TMEM132C: variants seen among roughly 807,000 people sequenced by gnomAD.
The protein encoded by TMEM132C is transmembrane protein 132C, also known as protein phosphatase 1, regulatory subunit 152.
Under a neutral mutation model 61.4 loss-of-function variants are expected in TMEM132C, and 29 were observed. The ratio of observed to expected loss-of-function variants is 0.47; its 90% CI spans 0.35 to 0.64. TMEM132C has a LOEUF of 0.64. Ranked by LOEUF, TMEM132C falls within the 30% of genes least tolerant of loss-of-function variation. The pLI, the probability that TMEM132C is intolerant of heterozygous loss-of-function variation, is 0.00. For missense variants in TMEM132C, 1,408 were observed against 1,476.9 expected (o/e 0.95, Z 0.76); for synonymous variants, 656 against 633.1 (o/e 1.04, Z -0.54).
intron 1 of TMEM132C, among the ~76,000 whole-genome samples, chr12:128,305,171 G>A (rs1342480741): frequency 3.3e-5 from 5 of 151,978 alleles, no homozygotes; most frequent in African/African-American, 1.2e-4. Flanking sequence ...TTGAGGCCAG[G>A]AGTTCGGCCT....
chr12:128,611,127 T>A (rs573141868), intron 3 of TMEM132C, among the ~76,000 whole-genome samples: 26 of 152,324 alleles, frequency 1.7e-4, no homozygotes, highest in African/African-American at 6.3e-4. Context: ...ATCCCCATTT[T>A]GCAAATAGAG....
chr12:128,489,687 C>CAT (rs747502504), intron 2 of TMEM132C, among the ~76,000 whole-genome samples: 9 of 151,550 alleles, frequency 5.9e-5, no homozygotes, highest in East Asian at 3.9e-4. Context: ...CACTCAGACT[C>CAT]ATATATATAT....
intron 5 of TMEM132C, among the ~76,000 whole-genome samples, chr12:128,676,455 T>C (rs1455092919): frequency 1.3e-5 from 2 of 152,188 alleles, no homozygotes; most frequent in Admixed American, 6.5e-5. Flanking sequence ...AAGTAATGTA[T>C]AAAATTTGTC....
At chr12:128,664,956 C>CACACAGGCACTCGCAATAA (rs537680785) in intron 4 of TMEM132C, among the ~76,000 whole-genome samples, 8,531 of 152,130 alleles carry the variant, frequency 0.056, 695 homozygotes, top group African/African-American at 0.18. Flanking sequence ...CAATATCATA[C>CACACAGGCACTCGCAATAA]ACACAGGCAC....
At chr12:128,589,853 C>T (rs767847837) in intron 3 of TMEM132C, among the ~76,000 whole-genome samples, 17 of 152,094 alleles carry the variant, frequency 1.1e-4, no homozygotes, top group Non-Finnish European at 2.2e-4. Flanking sequence ...GGGAATAAAG[C>T]GTACTTACCT....
Position 128,415,023 on chromosome 12 carries a change from G to C in TMEM132C, c.377G>C (p.Ser126Thr). ...SNFLGPTNKF[S>T]FDWKLKAHIL... The stretch of plus-strand genomic sequence containing the variant: ...TTTTTAGGTCCAACCAATAAGTTTA[G>C]TTTTGATTGGAAACTAAAAGCCCAC... The change falls in exon 2 of 9, where the codon AGT (serine) becomes ACT (threonine). Residue 126 changes from serine (S) to threonine (T), a missense_variant. Physicochemically the swap from Ser to Thr is moderately conservative, Grantham distance 58 (BLOSUM62 1). Transcript: ENST00000435159. The surrounding 1 kb of genome is among the most constrained non-coding windows in gnomAD (Gnocchi z 5.8). 7 of 1,561,974 alleles carry C rather than the reference G, an allele frequency of 4.5e-6. No homozygotes were observed. Among genetic ancestry groups the C allele is most frequent in the Non-Finnish European group, 5.2e-6 (6 of 1,152,690 alleles).
At chr12:128,359,487 G>T (rs1161219167) in intron 1 of TMEM132C, among the ~76,000 whole-genome samples, 3 of 152,170 alleles carry the variant, frequency 2.0e-5, no homozygotes, top group Non-Finnish European at 4.4e-5. Context: ...GGTGAGATTT[G>T]GGTGGCGACA....
At chr12:128,606,917 G>A (rs1876446938) in intron 3 of TMEM132C, among the ~76,000 whole-genome samples, 2 of 152,210 alleles carry the variant, frequency 1.3e-5, no homozygotes, top group South Asian at 4.1e-4. Flanking sequence ...GGGCTCACCA[G>A]TAAACAAAGC....
chr12:128,616,782 CTG>C (rs749401045), intron 4 of TMEM132C, among the ~76,000 whole-genome samples: 1 of 152,166 alleles, frequency 6.6e-6, no homozygotes, highest in Non-Finnish European at 1.5e-5. Context: ...TGTCACTGGG[CTG>C]TGAGGTCAAC....
At chr12:128,690,535 A>T (rs1954712204) in intron 5 of TMEM132C, among the ~76,000 whole-genome samples, 1 of 152,044 alleles carries the variant, frequency 6.6e-6, no homozygotes, top group African/African-American at 2.4e-5. Flanking sequence ...GTTTCCTCCC[A>T]CCAGAGCTCA....
chr12:128,507,592 C>G (rs1039672597), intron 2 of TMEM132C, among the ~76,000 whole-genome samples: 1 of 152,028 alleles, frequency 6.6e-6, no homozygotes, highest in Non-Finnish European at 1.5e-5. Context: ...CCCAACATGA[C>G]GGGGAGCTGC....
intron 1 of TMEM132C, among the ~76,000 whole-genome samples, chr12:128,297,039 G>A (rs965508414): frequency 4.6e-5 from 7 of 151,968 alleles, no homozygotes; most frequent in Non-Finnish European, 8.8e-5. Flanking sequence ...CTGTAATTCC[G>A]TCAAATGGTC....
intron 3 of TMEM132C, among the ~76,000 whole-genome samples, chr12:128,599,274 C>T (rs1344175431): frequency 6.6e-6 from 1 of 152,226 alleles, no homozygotes; most frequent in Admixed American, 6.5e-5. Flanking sequence ...GCTCCTTCTA[C>T]ACCTTTATAA....
At chr12:128,617,580 G>A (rs1290597428) in intron 4 of TMEM132C, among the ~76,000 whole-genome samples, 1 of 152,128 alleles carries the variant, frequency 6.6e-6, no homozygotes, top group Non-Finnish European at 1.5e-5. Flanking sequence ...GGTGAGGCAG[G>A]TGTGAAATCA....
chr12:128,382,925 T>G (rs56800385), intron 1 of TMEM132C, among the ~76,000 whole-genome samples: 16,505 of 151,964 alleles, frequency 0.11, 2,922 homozygotes, highest in African/African-American at 0.37. Flanking sequence ...TATTTGTGTG[T>G]GTGAATCTGT....
At chr12:128,354,902 T>C (rs76877820) in intron 1 of TMEM132C, among the ~76,000 whole-genome samples, 5,319 of 152,230 alleles carry the variant, frequency 0.035, 272 homozygotes, top group African/African-American at 0.11. Context: ...ACCAGCTTAC[T>C]TGAAACCTGA....
chr12:128,586,115 C>T (rs915611252), intron 3 of TMEM132C, among the ~76,000 whole-genome samples: 16 of 152,014 alleles, frequency 1.1e-4, no homozygotes, highest in Middle Eastern at 3.2e-3. Flanking sequence ...CAATGCATAG[C>T]GGATCTCTGG....
At chr12:128,654,788 A>C (rs1474172851) in intron 4 of TMEM132C, among the ~76,000 whole-genome samples, 2 of 152,218 alleles carry the variant, frequency 1.3e-5, no homozygotes, top group Non-Finnish European at 2.9e-5. Context: ...TTCTAGAAGG[A>C]ATTGCAAAGT....
chr12:128,340,590 A>G (rs1295038487), intron 1 of TMEM132C, among the ~76,000 whole-genome samples: 1 of 152,172 alleles, frequency 6.6e-6, no homozygotes, highest in Non-Finnish European at 1.5e-5. Context: ...TCATTGATCT[A>G]AGCTATAGCC....
Sources: gnomAD v4.1 joint callset for allele counts (sites outside exome capture counted in the v4.1 genomes callset) on GRCh38, gnomAD v4.1.1 for gene constraint, Gnocchi (gnomAD v3.1) non-coding constraint, MANE v1.5 for transcripts, NCBI Gene and HGNC (gene_info 2026-07-23, HGNC 2026-07-21) for gene names.